CDC27: variants seen among roughly 807,000 people sequenced by gnomAD.
The protein encoded by CDC27 is cell division cycle 27, also known as cell division cycle protein 27 homolog.
In CDC27, 27 loss-of-function variants were observed where a neutral mutation model predicts 109.7. The ratio of observed to expected loss-of-function variants is 0.25; its 90% CI spans 0.18 to 0.34. The LOEUF (loss-of-function observed/expected upper bound fraction) is 0.34, where lower values mean the gene tolerates loss of function less well. Among genes scored for constraint, CDC27 ranks in the 10% least tolerant of loss-of-function variants. The pLI, the probability that CDC27 is intolerant of heterozygous loss-of-function variation, is 1.00. For missense variants in CDC27, 579 were observed against 960.2 expected (o/e 0.60, Z 5.25); for synonymous variants, 266 against 333.9 (o/e 0.80, Z 2.22).
chr17:47,171,161 C>T (rs1248097966), intron 3 of CDC27: 5 of 152,184 alleles, frequency 3.3e-5, no homozygotes, highest in Admixed American at 1.3e-4. Context: ...AAGAATTCCA[C>T]ATTAGGATCT....
At chr17:47,151,284 G>T (rs1219998517) in intron 9 of CDC27, among the ~76,000 whole-genome samples, 1 of 152,190 alleles carries the variant, frequency 6.6e-6, no homozygotes, top group Non-Finnish European at 1.5e-5. Flanking sequence ...CTGTGTGTAT[G>T]TCTGTTTTAA....
At chr17:47,181,736 C>T (rs1350337138) in intron 1 of CDC27, 99 bp from the exon 2 acceptor site, 4 of 594,712 alleles carry the variant, frequency 6.7e-6, no homozygotes, top group African/African-American at 1.9e-5. Flanking sequence ...ATTAATATCC[C>T]TAATTTAAGT....
intron 4 of CDC27, chr17:47,160,940 A>G (rs534628978): frequency 5.3e-5 from 8 of 152,360 alleles, no homozygotes; most frequent in Non-Finnish European, 7.3e-5. Context: ...ACACTTGTGT[A>G]ATTTAAGCCA....
Position 47,119,907 on chromosome 17 carries a change from G to A in CDC27, c.*1028C>T, listed in dbSNP as rs2061947479. On this transcript the variant is annotated 3_prime_UTR_variant, in exon 19 of 19. Coordinates refer to ENST00000066544, the MANE Select transcript of CDC27 (RefSeq NM_001256.6). The stretch of plus-strand genomic sequence containing the variant: ...GCAGAGAGTCAAAAAGAATGGAAAG[G>A]ATCTCAACCAAAGGTAACCACACAT... The A allele has an allele frequency of 6.6e-6, 1 of 152,188 alleles. No individual in the cohort carries two copies. Among genetic ancestry groups the A allele is most frequent in the African/African-American group, 2.4e-5 (1 of 41,448 alleles). 9.4% of individuals were successfully genotyped at this position (152,188 alleles called of 1,614,324 possible).
intron 15 of CDC27, among the ~76,000 whole-genome samples, chr17:47,130,307 C>T (rs770286521): frequency 1.3e-5 from 2 of 151,828 alleles, no homozygotes; most frequent in Non-Finnish European, 2.9e-5. Context: ...TTGCAGTGAG[C>T]CAAGATCGCG....
At chr17:47,135,488 A>G (rs1162289092) in intron 14 of CDC27, among the ~76,000 whole-genome samples, 4 of 152,134 alleles carry the variant, frequency 2.6e-5, no homozygotes, top group East Asian at 1.9e-4. Context: ...AAAGCACAAC[A>G]TATCTGCTTT....
intron 18 of CDC27, among the ~76,000 whole-genome samples, chr17:47,121,889 G>A (rs1045305443): frequency 1.3e-5 from 2 of 151,800 alleles, no homozygotes; most frequent in Admixed American, 6.6e-5. Flanking sequence ...ACAGGCGCCC[G>A]CAACCACGCC....
chr17:47,165,694 T>C (rs2063622235), intron 4 of CDC27, among the ~76,000 whole-genome samples: 1 of 152,226 alleles, frequency 6.6e-6, no homozygotes, highest in South Asian at 2.1e-4. Flanking sequence ...TTTTATTTTA[T>C]GTACTGTCAT....
At chr17:47,148,445 C>T (rs1598472215) in intron 9 of CDC27, among the ~76,000 whole-genome samples, 2 of 151,992 alleles carry the variant, frequency 1.3e-5, no homozygotes, top group African/African-American at 4.8e-5. Flanking sequence ...CAACTTCAAG[C>T]AATCTAATAT....
At chr17:47,152,038 TTAAAGA>T (rs2063169114) in intron 8 of CDC27, 120 bp from the exon 9 acceptor site, 3 of 721,136 alleles carry the variant, frequency 4.2e-6, no homozygotes, top group South Asian at 3.7e-5. Flanking sequence ...TACTGTCACC[TTAAAGA>T]TAAACTATTT....
At chr17:47,136,330 CAT>C (rs1442013000) in intron 14 of CDC27, among the ~76,000 whole-genome samples, 1 of 152,148 alleles carries the variant, frequency 6.6e-6, no homozygotes, top group Non-Finnish European at 1.5e-5. Flanking sequence ...CCATTAACAA[CAT>C]ATTCACAAAT....
chr17:47,144,228 A>G (rs779126240), intron 9 of CDC27, among the ~76,000 whole-genome samples: 10 of 152,156 alleles, frequency 6.6e-5, no homozygotes, highest in South Asian at 2.1e-4. Flanking sequence ...CCTTGTGATC[A>G]TAAGTCAATA....
In CDC27 at chr17:47,176,627, C is replaced by T. The variant is rs938460055; in HGVS notation, c.104-4563G>A. ...TGTAAACTGTGTAAAGATTTAGGAA[C>T]AGATCCTTACAACAATTAGATACTT... is the stretch of plus-strand genomic sequence containing the variant. On this transcript the variant is annotated intron_variant, in intron 2 of 18. Coordinates refer to ENST00000066544, the MANE Select transcript of CDC27 (RefSeq NM_001256.6). 2.0e-5 allele frequency among the ~76,000 whole-genome samples: 3 copies of T among 152,116 alleles called. No individual in the cohort carries two copies. The South Asian group carries it at 6.2e-4, about 32-fold the overall frequency.
chr17:47,134,767 C>T (rs2062520764), intron 14 of CDC27, among the ~76,000 whole-genome samples: 1 of 151,580 alleles, frequency 6.6e-6, no homozygotes, highest in Non-Finnish European at 1.5e-5. Flanking sequence ...AGCCACCGTG[C>T]CCGGCCTTAA....
rs1298716192 is a variant in CDC27 at position 47,127,083 on chromosome 17, G to A, written c.2160+2310C>T. 4.6e-5 allele frequency among the ~76,000 whole-genome samples: 7 copies of A among 152,034 alleles called. 1 individual carries two copies. The highest frequency in any genetic ancestry group is 8.8e-5 in the Non-Finnish European group (6 of 68,016). ...TGCTGGGATTACAAGCATGGGCCAC[G>A]GCACCTGGCCCTAAAAGAAGGTTTT... On this transcript the variant is annotated intron_variant, in intron 16 of 18. Transcript: ENST00000066544.
At chr17:47,139,927 A>G (rs557024041) in intron 12 of CDC27, 1 of 152,152 alleles carries the variant, frequency 6.6e-6, no homozygotes, top group Non-Finnish European at 1.5e-5. Context: ...TCAGTTTCCT[A>G]GTTTATCAAT....
chr17:47,142,498 C>A (rs2062827082), intron 10 of CDC27, 62 bp from the exon 11 acceptor site: 3 of 634,658 alleles, frequency 4.7e-6, no homozygotes, highest in Non-Finnish European at 8.1e-6. Flanking sequence ...CTCCTCAGCC[C>A]TTTCTCCAGT....
At chr17:47,135,670 T>C (rs1223691968) in intron 14 of CDC27, among the ~76,000 whole-genome samples, 1 of 152,184 alleles carries the variant, frequency 6.6e-6, no homozygotes, top group African/African-American at 2.4e-5. Context: ...AAACTCCTCC[T>C]AGTAAAAGCT....
At chr17:47,128,208 T>A (rs2062208267) in intron 16 of CDC27, among the ~76,000 whole-genome samples, 1 of 152,034 alleles carries the variant, frequency 6.6e-6, no homozygotes, top group South Asian at 2.1e-4. Context: ...TTTTTGTATT[T>A]TTGGTAGAGA....
Sources: allele counts gnomAD v4.1 joint callset (sites outside exome capture counted in the v4.1 genomes callset), GRCh38; gene constraint gnomAD v4.1.1; transcripts MANE v1.5; gene names NCBI Gene and HGNC (gene_info 2026-07-23, HGNC 2026-07-21).